IGSF10: variants seen among roughly 807,000 people sequenced by gnomAD.
The protein encoded by IGSF10 is calvaria mechanical force protein 608.
In IGSF10, 126 loss-of-function variants were observed where a neutral mutation model predicts 128.2. That is an observed-to-expected ratio of 0.98 (90% CI 0.85 to 1.14). IGSF10 has a LOEUF of 1.14. Among genes scored for constraint, IGSF10 ranks in the 50% most tolerant of loss-of-function variants. The pLI is 0.00. For missense variants in IGSF10, 3,295 were observed against 3,149.8 expected, an observed-to-expected ratio of 1.05 and a Z score of -1.10; for synonymous variants, 1,185 against 1,146.2, an observed-to-expected ratio of 1.03 and a Z score of -0.68.
At chr3:151,517,533 A>G in the IGSF10 span, among the ~76,000 whole-genome samples, 4 of 152,086 alleles carry the variant, frequency 2.6e-5, no homozygotes, top group African/African-American at 9.6e-5. Flanking sequence ...TTCAACTGAA[A>G]AGAGTCAAAA....
chr3:151,584,390 C>A, the IGSF10 span, among the ~76,000 whole-genome samples: 89 of 152,216 alleles, frequency 5.8e-4, no homozygotes, highest in African/African-American at 2.1e-3. Flanking sequence ...GCCATTTAGA[C>A]CATTTGCATT....
At chr3:151,473,135 A>C in the IGSF10 span, among the ~76,000 whole-genome samples, 1 of 152,190 alleles carries the variant, frequency 6.6e-6, no homozygotes, top group African/African-American at 2.4e-5. Context: ...TGTTTTCCTC[A>C]TCTTTTGTTG....
chr3:151,524,065 G>C, the IGSF10 span, among the ~76,000 whole-genome samples: 1 of 152,064 alleles, frequency 6.6e-6, no homozygotes, highest in Non-Finnish European at 1.5e-5. Flanking sequence ...CAACATCACT[G>C]ATTATTAGAG....
the IGSF10 span, among the ~76,000 whole-genome samples, chr3:151,501,364 T>C: frequency 2.6e-5 from 4 of 152,014 alleles, no homozygotes; most frequent in South Asian, 4.1e-4. Flanking sequence ...CTTTTTTATA[T>C]GTAAAATAGG....
chr3:151,458,856 T>C (rs1721928519), intron 2 of IGSF10, 146 bp from the exon 3 acceptor site: 1 of 618,110 alleles, frequency 1.6e-6, no homozygotes, highest in East Asian at 2.8e-5. Context: ...TCATATGCAC[T>C]CTTTACAAAA....
chr3:151,554,023 G>A, the IGSF10 span, among the ~76,000 whole-genome samples: 1 of 151,692 alleles, frequency 6.6e-6, no homozygotes, highest in Non-Finnish European at 1.5e-5. Flanking sequence ...GCGTACTCCT[G>A]TAGTTCCAGC....
the IGSF10 span, among the ~76,000 whole-genome samples, chr3:151,580,439 T>C: frequency 6.6e-6 from 1 of 152,212 alleles, no homozygotes; most frequent in African/African-American, 2.4e-5. Flanking sequence ...ATACATCTTT[T>C]CTTATTCTAA....
At chr3:151,546,015 CATTAG>C in the IGSF10 span, among the ~76,000 whole-genome samples, 3 of 138,088 alleles carry the variant, frequency 2.2e-5, no homozygotes, top group Non-Finnish European at 4.7e-5. Context: ...CAAAACAAAA[CATTAG>C]ATTAGAGATC....
At chr3:151,558,967 C>G in the IGSF10 span, among the ~76,000 whole-genome samples, 1 of 151,938 alleles carries the variant, frequency 6.6e-6, no homozygotes, top group East Asian at 1.9e-4. Flanking sequence ...GTTGGCCAAG[C>G]TTCATTTAAA....
the IGSF10 span, chr3:151,476,203 AAT>A: frequency 1.3e-5 from 2 of 152,198 alleles, no homozygotes; most frequent in African/African-American, 2.4e-5. Context: ...GTGGTATAAA[AAT>A]ATGTTTTGAA....
At position 151,442,897 on chromosome 3, in the gene IGSF10, A is replaced by T. The variant is rs937489256; in HGVS notation, c.5963+87T>A. On this transcript the variant is annotated intron_variant, in intron 7 of 7. Transcript: ENST00000282466. ...CTATGTGTACTCTAAAACTGCTGCT[A>T]GCCTCACTGTGTCACTTTTTCCATT... The T allele has an allele frequency of 2.7e-5, 32 of 1,203,210 alleles. No homozygotes were observed. The African/African-American group carries it at 4.7e-4, about 18-fold the overall frequency. 74.5% of individuals were successfully genotyped at this position (1,203,210 alleles called of 1,614,324 possible). A position where few individuals can be genotyped will look rare whatever the true frequency, so the allele number is the denominator to read the frequency against.
intron 5 of IGSF10, among the ~76,000 whole-genome samples, chr3:151,450,636 C>G (rs1175303813): frequency 1.3e-5 from 2 of 152,110 alleles, no homozygotes; most frequent in Non-Finnish European, 2.9e-5. Flanking sequence ...ATCGCTCACG[C>G]CTGTAACCTC....
Position 151,446,837 on chromosome 3 carries a change from T to C in IGSF10, c.3144A>G (p.Glu1048=), listed in dbSNP as rs756003300. The C allele has an allele frequency of 2.5e-6, 4 of 1,614,190 alleles. No homozygotes were observed. The South Asian group carries it at 3.3e-5, about 13-fold the overall frequency. ...IFRSTTRGSS[E]KSTTAFSATV... ...TGGCTGAGAATGCAGTAGTGCTTTT[T>C]TCAGAAGAACCTCTGGTTGTTGACC... The change falls in exon 6 of 8, where the codon GAA becomes GAG. Residue 1048 remains glutamate (E), a synonymous_variant. Coordinates refer to ENST00000282466, the MANE Select transcript of IGSF10 (RefSeq NM_178822.5).
chr3:151,521,008 A>C, the IGSF10 span, among the ~76,000 whole-genome samples: 2 of 151,952 alleles, frequency 1.3e-5, no homozygotes. Context: ...TGACACCCAC[A>C]GGCTCAAAAC....
upstream of IGSF10, among the ~76,000 whole-genome samples, chr3:151,462,961 A>G (rs1385487964): frequency 2.0e-5 from 3 of 152,090 alleles, no homozygotes; most frequent in African/African-American, 7.2e-5. Flanking sequence ...TTGGTGACCA[A>G]CCTCATGGCT....
Position 151,447,648 on chromosome 3 carries a change from C to CTCA in IGSF10, c.2330_2332dup (p.Val777_Ser778insMet), listed in dbSNP as rs1721276867. 3.1e-6 allele frequency: 5 copies of CTCA among 1,614,092 alleles called. No homozygotes were observed. Among genetic ancestry groups the CTCA allele is most frequent in the Non-Finnish European group, 4.2e-6 (5 of 1,180,032 alleles). On this transcript the variant is annotated inframe_insertion, in exon 6 of 8. Coordinates refer to ENST00000282466, the MANE Select transcript of IGSF10 (RefSeq NM_178822.5). ...GAGTTGGGTGACCACTGGGGGTGGG[C>CTCA]TCACTGTGGTATTTTCTCGCTTGTC...
the IGSF10 span, among the ~76,000 whole-genome samples, chr3:151,562,659 T>C: frequency 6.6e-6 from 1 of 152,098 alleles, no homozygotes; most frequent in Non-Finnish European, 1.5e-5. Flanking sequence ...TGGCCAGGAT[T>C]ACACAACTTG....
chr3:151,554,114 C>T, the IGSF10 span, among the ~76,000 whole-genome samples: 2 of 146,830 alleles, frequency 1.4e-5, no homozygotes, highest in African/African-American at 5.1e-5. Flanking sequence ...CCACTCTAGC[C>T]TTGGTGACAG....
the IGSF10 span, among the ~76,000 whole-genome samples, chr3:151,594,577 T>C: frequency 1.3e-5 from 2 of 151,096 alleles, no homozygotes; most frequent in African/African-American, 4.9e-5. Context: ...TGCCTCGGCC[T>C]CCCAAAGTGC....
Sources: allele counts gnomAD v4.1 joint callset (sites outside exome capture counted in the v4.1 genomes callset), GRCh38; gene constraint gnomAD v4.1.1; transcripts MANE v1.5; gene names NCBI Gene and HGNC (gene_info 2026-07-23, HGNC 2026-07-21).